Variants in RABGAP1 observed in about 807,000 individuals in gnomAD.
RABGAP1 encodes the protein rab GTPase-activating protein 1.
Under a neutral mutation model 137.6 loss-of-function variants are expected in RABGAP1, and 23 were observed. That is an observed-to-expected ratio of 0.17 (90% CI 0.12 to 0.24). The LOEUF is 0.24. Ranked by LOEUF, RABGAP1 falls within the 10% of genes least tolerant of loss-of-function variation. RABGAP1 has a pLI of 1.00. For missense variants in RABGAP1, 906 were observed against 1,275.8 expected, an observed-to-expected ratio of 0.71 and a Z score of 4.42; for synonymous variants, 451 against 450.7, an observed-to-expected ratio of 1.00 and a Z score of -0.01.
intron 20 of RABGAP1, 22 bp downstream of exon 20, chr9:123,089,872 G>A (rs922142843): frequency 5.7e-6 from 9 of 1,586,634 alleles, no homozygotes; most frequent in African/African-American, 1.4e-5. Context: ...TATGGCCTAC[G>A]TGTGAGGAGC....
At chr9:123,042,763 A>G (rs949826615) in intron 13 of RABGAP1, among the ~76,000 whole-genome samples, 6 of 152,202 alleles carry the variant, frequency 3.9e-5, no homozygotes, top group Admixed American at 6.5e-5. Context: ...AAAGGAAGAA[A>G]TTAATAAATA....
chr9:123,011,760 G>T (rs1190023704), intron 11 of RABGAP1, among the ~76,000 whole-genome samples: 1 of 151,368 alleles, frequency 6.6e-6, no homozygotes, highest in Non-Finnish European at 1.5e-5. Flanking sequence ...TTCGAGACTA[G>T]TCTGGCCAAC....
intron 13 of RABGAP1, among the ~76,000 whole-genome samples, chr9:123,063,597 A>T (rs1480841428): frequency 6.6e-6 from 1 of 152,184 alleles, no homozygotes; most frequent in Non-Finnish European, 1.5e-5. Context: ...GTGGAATCTC[A>T]TTGTGGTTTT....
intron 14 of RABGAP1, 21 bp downstream of exon 14, chr9:123,065,482 A>C: frequency 6.6e-7 from 1 of 1,517,906 alleles, no homozygotes; most frequent in Non-Finnish European, 9.2e-7. Context: ...TCAAAAAAAA[A>C]AAGGACTCAA....
At position 123,055,588 on chromosome 9, in the gene RABGAP1, C is replaced by T. The variant is rs149008754; in HGVS notation, c.1795-9760C>T. ...TTTTGAGATGGAGTTTAGCTCTTGT[C>T]GCCCAGGCTGGAGTGCAGTGGTGTG... On this transcript the variant is annotated intron_variant, in intron 13 of 25. Transcript: ENST00000373647. Among the ~76,000 whole-genome samples the T allele has an allele frequency of 6.3e-3, 826 of 132,000 alleles. 11 individuals carry two copies. Among genetic ancestry groups the T allele is most frequent in the Middle Eastern group, 0.019 (4 of 206 alleles). The allele number at this position is 132,000 out of a possible 152,430, so 86.6% of individuals were successfully genotyped here.
At chr9:122,993,570 C>A (rs1836856952) in intron 6 of RABGAP1, among the ~76,000 whole-genome samples, 1 of 151,988 alleles carries the variant, frequency 6.6e-6, no homozygotes, top group Non-Finnish European at 1.5e-5. Context: ...CCATGCCTGG[C>A]CAATTTTTAA....
chr9:122,963,059 G>A (rs1014392303), intron 2 of RABGAP1, among the ~76,000 whole-genome samples: 1 of 152,052 alleles, frequency 6.6e-6, no homozygotes, highest in African/African-American at 2.4e-5. Flanking sequence ...TAATAACCAA[G>A]CACCAAAATG....
At chr9:123,056,039 C>A (rs2033680377) in intron 13 of RABGAP1, among the ~76,000 whole-genome samples, 1 of 152,148 alleles carries the variant, frequency 6.6e-6, no homozygotes, top group Non-Finnish European at 1.5e-5. Flanking sequence ...ATGTTCCAGG[C>A]TATCTGCCCT....
At chr9:123,060,559 G>C (rs2132102867) in intron 13 of RABGAP1, among the ~76,000 whole-genome samples, 1 of 152,298 alleles carries the variant, frequency 6.6e-6, no homozygotes, top group South Asian at 2.1e-4. Context: ...AACTTTCTGG[G>C]AAACTGCCAT....
chr9:122,998,816 C>G, intron 10 of RABGAP1, 50 bp downstream of exon 10: 1 of 1,273,990 alleles, frequency 7.8e-7, no homozygotes, highest in Non-Finnish European at 1.1e-6. Context: ...AAGGAGAAAT[C>G]ACGTCTGAGG....
chr9:123,042,815 T>G (rs546534856), intron 13 of RABGAP1, among the ~76,000 whole-genome samples: 40 of 152,328 alleles, frequency 2.6e-4, no homozygotes, highest in African/African-American at 7.2e-4. Context: ...CGTGTTTTCA[T>G]AATGAAAAGG....
intron 13 of RABGAP1, among the ~76,000 whole-genome samples, chr9:123,056,411 A>C (rs949829625): frequency 6.6e-6 from 1 of 152,202 alleles, no homozygotes; most frequent in Non-Finnish European, 1.5e-5. Flanking sequence ...AAGTTGGTAC[A>C]ACTTTTCTGG....
chr9:123,099,992 T>C, intron 24 of RABGAP1, among the ~76,000 whole-genome samples: 1 of 151,566 alleles, frequency 6.6e-6, no homozygotes, highest in Non-Finnish European at 1.5e-5. Context: ...TTTATTTTTA[T>C]TTTTTTTTAT....
intron 13 of RABGAP1, chr9:123,061,811 C>G (rs115597941): frequency 3.3e-5 from 5 of 152,112 alleles, no homozygotes; most frequent in African/African-American, 1.2e-4. Flanking sequence ...GCACTGTTGC[C>G]GTAAGTACAT....
chr9:123,084,629 CTCTT>C (rs1359140107), intron 19 of RABGAP1, among the ~76,000 whole-genome samples: 3 of 152,178 alleles, frequency 2.0e-5, no homozygotes, highest in African/African-American at 7.2e-5. Flanking sequence ...TTTAAAATGG[CTCTT>C]TGTTTGCAGC....
intron 19 of RABGAP1, among the ~76,000 whole-genome samples, chr9:123,083,866 T>C (rs1028641909): frequency 6.6e-6 from 1 of 152,214 alleles, no homozygotes; most frequent in Admixed American, 6.5e-5. Flanking sequence ...GCCTGCCCTG[T>C]TTTGACCTTT....
chr9:123,076,521 G>A (rs2034515567), intron 18 of RABGAP1, 113 bp from the exon 19 acceptor site: 2 of 1,294,650 alleles, frequency 1.5e-6, no homozygotes, highest in African/African-American at 3.0e-5. Context: ...CAAAAGCTAA[G>A]AAGTATCTTC....
chr9:123,056,118 A>G (rs1459032118), intron 13 of RABGAP1, among the ~76,000 whole-genome samples: 3 of 152,196 alleles, frequency 2.0e-5, no homozygotes, highest in Non-Finnish European at 4.4e-5. Flanking sequence ...GGTATTAGAT[A>G]CCAAAATATA....
intron 2 of RABGAP1, 70 bp downstream of exon 2, chr9:122,957,279 G>A: frequency 8.0e-7 from 1 of 1,244,586 alleles, no homozygotes; most frequent in Non-Finnish European, 1.1e-6. Context: ...GGCCTTAACA[G>A]AAAACAGATA....
Sources: allele counts gnomAD v4.1 joint callset (sites outside exome capture counted in the v4.1 genomes callset), GRCh38; gene constraint gnomAD v4.1.1; transcripts MANE v1.5; gene names NCBI Gene and HGNC (gene_info 2026-07-23, HGNC 2026-07-21).